Variants in ZNF571 observed in about 807,000 individuals in gnomAD.
ZNF571 encodes zinc finger protein 571.
A neutral mutation model predicts 7.7 loss-of-function variants in ZNF571; 4 were observed. The observed-to-expected ratio is 0.52, with a 90% confidence interval of 0.25 to 1.18. The LOEUF is 1.18. ZNF571 is among the 50% of genes most tolerant of loss of function. The pLI is 0.14. For missense variants in ZNF571, 704 were observed against 726.9 expected, an observed-to-expected ratio of 0.97 and a Z score of 0.36; for synonymous variants, 251 against 232.4, an observed-to-expected ratio of 1.08 and a Z score of -0.73.
rs1600451077 is a variant in ZNF571, at chr19:37,564,388, C to T, written c.*210G>A. ...AGGATATGGTGAAATGGAGATGATG[C>T]TTAATAAAGGATATAATTCAGCATT... On this transcript the variant is annotated 3_prime_UTR_variant, in exon 4 of 4. Coordinates refer to ENST00000451802, the MANE Select transcript of ZNF571 (RefSeq NM_016536.5). The T allele has an allele frequency of 1.0e-5, 4 of 394,612 alleles. No individual in the cohort carries two copies. The Admixed American group carries it at 1.3e-4, about 12-fold the overall frequency. 24.4% of individuals were successfully genotyped at this position (394,612 alleles called of 1,614,324 possible).
intron 1 of ZNF571, among the ~76,000 whole-genome samples, chr19:37,587,507 C>T (rs2043716491): frequency 6.6e-6 from 1 of 152,214 alleles, no homozygotes; most frequent in Admixed American, 6.5e-5. Context: ...GTGCGCACAG[C>T]ACGCCCCCTC....
intron 1 of ZNF571, among the ~76,000 whole-genome samples, chr19:37,590,242 T>TA (rs1275026680): frequency 1.1e-3 from 167 of 149,204 alleles, no homozygotes; most frequent in East Asian, 4.4e-3. Context: ...CTGTCTCTAG[T>TA]AAAAAAAAAT....
At chr19:37,572,606 G>C (rs968187946) in intron 3 of ZNF571, among the ~76,000 whole-genome samples, 1 of 152,166 alleles carries the variant, frequency 6.6e-6, no homozygotes, top group Non-Finnish European at 1.5e-5. Flanking sequence ...TGTATACGCC[G>C]CAGATAAGGG....
At chr19:37,589,076 T>C (rs777172511) in intron 1 of ZNF571, among the ~76,000 whole-genome samples, 1 of 151,704 alleles carries the variant, frequency 6.6e-6, no homozygotes, top group Non-Finnish European at 1.5e-5. Flanking sequence ...GGCGGGTGCT[T>C]GTGATCCCAG....
rs756214598 is a variant in ZNF571, at chr19:37,564,664, A to G, written c.1764T>C (p.Cys588=). 2 of 1,610,352 alleles carry G rather than the reference A, an allele frequency of 1.2e-6. No individual in the cohort carries two copies. Among genetic ancestry groups the G allele is most frequent in the Admixed American group, 3.4e-5 (2 of 59,484 alleles). The part of the protein sequence containing the change: ...RIHTGEKPYT[C]VQCGKDFRCP... ...ATCTAAAGTCTTTACCACACTGGACACATGTATAGGGTTTCTCACCAGTAT... is the reference window on the plus strand; with the variant it reads ...ATCTAAAGTCTTTACCACACTGGACGCATGTATAGGGTTTCTCACCAGTAT... The change falls in exon 4 of 4, where the codon TGT becomes TGC. Residue 588 remains cysteine (C), a synonymous_variant. Coordinates refer to ENST00000451802, the MANE Select transcript of ZNF571 (RefSeq NM_016536.5).
At chr19:37,589,901 G>C (rs911723638) in intron 1 of ZNF571, among the ~76,000 whole-genome samples, 95 of 123,832 alleles carry the variant, frequency 7.7e-4, no homozygotes, top group Middle Eastern at 5.3e-3. Flanking sequence ...CACTTGAATT[G>C]AATCATGAGG....
rs547201430 is a variant in ZNF571, at chr19:37,570,118, C to T, written c.137-3827G>A. Reference sequence around the variant, plus strand: ...TAAAAAGAATAACCACCCACCCTCCCCTAAAAGACCACTAGAGGCCAATCC... The same window carrying T: ...TAAAAAGAATAACCACCCACCCTCCTCTAAAAGACCACTAGAGGCCAATCC... On this transcript the variant is annotated intron_variant, in intron 3 of 3. Coordinates refer to ENST00000451802, the MANE Select transcript of ZNF571 (RefSeq NM_016536.5). The T allele has an allele frequency of 1.7e-4, 26 of 152,334 alleles. No homozygotes were observed. The East Asian group carries it at 4.8e-3, about 28-fold the overall frequency. 9.4% of individuals were successfully genotyped at this position (152,334 alleles called of 1,614,324 possible).
At chr19:37,590,278 G>GT (rs2043829089) in intron 1 of ZNF571, among the ~76,000 whole-genome samples, 1 of 151,956 alleles carries the variant, frequency 6.6e-6, no homozygotes, top group Admixed American at 6.6e-5. Flanking sequence ...TTAGCTGGGC[G>GT]TGGTGGTGGG....
rs953548094 is a variant in ZNF571 at position 37,564,333 on chromosome 19, AAC to A, written c.*263_*264del. ...TTACAGTATTTTACAAATAGAAAAG[AAC>A]ACACAAGAAATATATAGGATTTCAG... On this transcript the variant is annotated 3_prime_UTR_variant, in exon 4 of 4. Coordinates refer to ENST00000451802, the MANE Select transcript of ZNF571 (RefSeq NM_016536.5). 17 of 306,386 alleles carry A rather than the reference AAC, an allele frequency of 5.5e-5. No individual in the cohort carries two copies. Among genetic ancestry groups the A allele is most frequent in the African/African-American group, 1.7e-4 (8 of 46,534 alleles). 19.0% of individuals were successfully genotyped at this position (306,386 alleles called of 1,614,324 possible).
At chr19:37,584,134 G>T (rs748259461) in intron 2 of ZNF571, 37 bp from the exon 3 acceptor site, 2 of 1,612,506 alleles carry the variant, frequency 1.2e-6, no homozygotes, top group African/African-American at 2.7e-5. Flanking sequence ...GATTCTACAG[G>T]AATGATTCTG....
At chr19:37,586,105 T>C in intron 2 of ZNF571, 1 of 152,546 alleles carries the variant, frequency 6.6e-6, no homozygotes, top group Non-Finnish European at 1.5e-5. Flanking sequence ...AAATCATAAT[T>C]ATATTGATTT....
chr19:37,588,039 G>C (rs2043737011), intron 1 of ZNF571, among the ~76,000 whole-genome samples: 1 of 136,172 alleles, frequency 7.3e-6, no homozygotes, highest in African/African-American at 2.8e-5. Context: ...GGTGGAGGTT[G>C]CAGTGACCCA....
chr19:37,571,344 A>C (rs2043044452), intron 3 of ZNF571, among the ~76,000 whole-genome samples: 1 of 152,048 alleles, frequency 6.6e-6, no homozygotes, highest in Admixed American at 6.5e-5. Flanking sequence ...AAAAATACAA[A>C]AATTAGACAG....
intron 1 of ZNF571, among the ~76,000 whole-genome samples, chr19:37,591,281 G>A (rs1463517529): frequency 6.6e-6 from 1 of 152,172 alleles, no homozygotes; most frequent in Non-Finnish European, 1.5e-5. Context: ...GGGATCATTT[G>A]TTCTGCCAGA....
At chr19:37,591,674 A>G (rs1874078200) in intron 1 of ZNF571, among the ~76,000 whole-genome samples, 1 of 152,030 alleles carries the variant, frequency 6.6e-6, no homozygotes, top group South Asian at 2.1e-4. Context: ...CCTCCCGAGT[A>G]GCTGGGATTA....
intron 3 of ZNF571, 175 bp downstream of exon 3, chr19:37,583,794 CAG>C (rs1325514174): frequency 1.8e-6 from 1 of 558,704 alleles, no homozygotes; most frequent in Non-Finnish European, 3.1e-6. Context: ...CAGGAAGTGA[CAG>C]AGAAAGATGT....
In ZNF571 at chr19:37,565,840, C is replaced by T. The variant is rs571311737; in HGVS notation, c.588G>A (p.Glu196=). 2.3e-4 allele frequency: 364 copies of T among 1,613,820 alleles called. 6 individuals carry two copies. In the South Asian group the frequency reaches 3.1e-3, roughly 14 times the overall value. ...CAAAGGCCTTTCCACATTCCATACACTCATAAGGTTTCTCACCAGTCTGAA... is the reference window on the plus strand; with the variant it reads ...CAAAGGCCTTTCCACATTCCATACATTCATAAGGTTTCTCACCAGTCTGAA... The part of the protein sequence containing the change: ...QRIQTGEKPY[E]CMECGKAFGR... The change falls in exon 4 of 4, where the codon GAG becomes GAA. Residue 196 remains glutamate (E), a synonymous_variant. Coordinates refer to ENST00000451802, the MANE Select transcript of ZNF571 (RefSeq NM_016536.5).
In ZNF571 at chr19:37,569,505, A is replaced by G. The variant is rs949490967; in HGVS notation, c.137-3214T>C. On this transcript the variant is annotated intron_variant, in intron 3 of 3. Coordinates refer to ENST00000451802, the MANE Select transcript of ZNF571 (RefSeq NM_016536.5). This position sits in a 1 kb window ranked among gnomAD's most constrained non-coding sequence, Gnocchi z 4.4. ...TATGACTGAGTACACACACTCAAAC[A>G]TAAAACAAGGATGTCATAAAATTAT... Among the ~76,000 whole-genome samples, 5 of 152,194 alleles carry G rather than the reference A, an allele frequency of 3.3e-5. No homozygotes were observed. Among genetic ancestry groups the G allele is most frequent in the Non-Finnish European group, 5.9e-5 (4 of 68,016 alleles).
chr19:37,584,003 A>T lies in ZNF571; in HGVS notation c.104T>A (p.Met35Lys), dbSNP rs772453215. The T allele has an allele frequency of 6.2e-7, 1 of 1,612,984 alleles. No individual in the cohort carries two copies. Among genetic ancestry groups the T allele is most frequent in the Non-Finnish European group, 8.5e-7 (1 of 1,179,418 alleles). The stretch of plus-strand genomic sequence containing the variant: ...GATCAGGTTGCTGTAGTTCTCCAAC[A>T]TCACATCCCTGTACAAGTCCCTCTG... ...PAQRDLYRDV[M>K]LENYSNLISL... Residue 35 changes from methionine (M) to lysine (K), a missense_variant, in exon 3 of 4, where the codon ATG (methionine) becomes AAG (lysine). Transcript: ENST00000451802.
Sources: gnomAD v4.1 joint callset for allele counts (sites outside exome capture counted in the v4.1 genomes callset) on GRCh38, gnomAD v4.1.1 for gene constraint, Gnocchi (gnomAD v3.1) non-coding constraint, MANE v1.5 for transcripts, NCBI Gene and HGNC (gene_info 2026-07-23, HGNC 2026-07-21) for gene names.